ADHFE1: variants seen among roughly 807,000 people sequenced by gnomAD.
ADHFE1 encodes the protein hydroxyacid-oxoacid transhydrogenase, mitochondrial.
ADHFE1 carries 37 observed loss-of-function variants against 54.8 expected under a neutral mutation model. The ratio of observed to expected loss-of-function variants is 0.68; its 90% CI spans 0.52 to 0.89. ADHFE1 has a LOEUF of 0.89. Among genes scored for constraint, ADHFE1 ranks in the 40% least tolerant of loss-of-function variants. The pLI, the probability that ADHFE1 is intolerant of heterozygous loss-of-function variation, is 0.00. For missense variants in ADHFE1, 601 were observed against 591.2 expected (o/e 1.02, Z -0.17); for synonymous variants, 203 against 229.3 (o/e 0.89, Z 1.04).
rs752135290 is a variant in ADHFE1, at chr8:66,444,718, A to G, written c.323A>G (p.Asp108Gly). ...VKNGIPFTVYDNVRVEPTDSS... is the reference protein window; with the variant it reads ...VKNGIPFTVYGNVRVEPTDSS... ...AATGGCATCCCCTTTACGGTTTATG[A>G]TAATGTGAGAGTGGAACCAACGGAT... Residue 108 changes from aspartate (D) to glycine (G), a missense_variant, in exon 5 of 14, where the codon GAT becomes GGT. Coordinates refer to ENST00000396623, the MANE Select transcript of ADHFE1 (RefSeq NM_144650.3). 13 of 1,614,144 alleles carry G rather than the reference A, an allele frequency of 8.1e-6. No homozygotes were observed. In the South Asian group the frequency reaches 1.2e-4, roughly 15 times the overall value.
chr8:66,440,130 G>GT lies in ADHFE1; in HGVS notation c.60-24dup, dbSNP rs200864463. ...TTTTTGGTCTCTATTTTCACCTTAG[G>GT]TTTTTTTTGCTGTCGTTTTTATTTT... On this transcript the variant is annotated intron_variant, in intron 1 of 13. Coordinates refer to ENST00000396623, the MANE Select transcript of ADHFE1 (RefSeq NM_144650.3). 6,139 of 1,599,944 alleles carry GT rather than the reference G, an allele frequency of 3.8e-3. 19 individuals are homozygous for GT. Among genetic ancestry groups the GT allele is most frequent in the African/African-American group, 0.016 (1,185 of 74,096 alleles).
intron 10 of ADHFE1, 88 bp downstream of exon 10, chr8:66,454,245 T>G (rs893415077): frequency 1.6e-6 from 2 of 1,271,320 alleles, no homozygotes; most frequent in Admixed American, 4.1e-5. Flanking sequence ...GTGGTAAAAT[T>G]TAAATATGCT....
chr8:66,443,304 G>C (rs78329780), intron 3 of ADHFE1, among the ~76,000 whole-genome samples: 1 of 70,480 alleles, frequency 1.4e-5, no homozygotes, highest in Non-Finnish European at 2.7e-5. Context: ...TTTGGAGACA[G>C]CCTCACTCTG....
chr8:66,454,205 A>G, intron 10 of ADHFE1, 48 bp downstream of exon 10: 3 of 1,584,132 alleles, frequency 1.9e-6, no homozygotes, highest in Non-Finnish European at 2.6e-6. Flanking sequence ...ATTGCTTTAA[A>G]AAATTTTTAA....
At chr8:66,456,736 A>G (rs1806607613) in intron 10 of ADHFE1, 81 bp from the exon 11 acceptor site, 1 of 1,047,578 alleles carries the variant, frequency 9.5e-7, no homozygotes, top group Admixed American at 1.9e-5. Context: ...CGTGACAGGC[A>G]TCCCCATAAG....
chr8:66,457,862 C>T (rs1468160815), intron 12 of ADHFE1, among the ~76,000 whole-genome samples: 1 of 151,794 alleles, frequency 6.6e-6, no homozygotes, highest in Non-Finnish European at 1.5e-5. Flanking sequence ...TTGCTATGTT[C>T]GATAATAAAA....
intron 8 of ADHFE1, among the ~76,000 whole-genome samples, chr8:66,451,696 C>T (rs2130426479): frequency 6.6e-6 from 1 of 152,230 alleles, no homozygotes; most frequent in Admixed American, 6.5e-5. Context: ...TAGAAAAGGT[C>T]CATATATAAT....
chr8:66,459,860 T>C (rs1319340857), intron 12 of ADHFE1: 1 of 153,888 alleles, frequency 6.5e-6, no homozygotes, highest in Non-Finnish European at 1.4e-5. Context: ...TTCTGTAAGC[T>C]TGTCTCACAG....
At chr8:66,451,677 T>C (rs1806309408) in intron 8 of ADHFE1, among the ~76,000 whole-genome samples, 1 of 152,234 alleles carries the variant, frequency 6.6e-6, no homozygotes, top group South Asian at 2.1e-4. Context: ...CATAAAAATG[T>C]ATTGACACTA....
intron 13 of ADHFE1, among the ~76,000 whole-genome samples, chr8:66,461,560 G>A (rs932441428): frequency 2.6e-5 from 4 of 152,082 alleles, no homozygotes; most frequent in African/African-American, 9.7e-5. Flanking sequence ...TGTGTCCACA[G>A]GAGCCAGGTA....
Position 66,432,628 on chromosome 8 carries a change from C to T in ADHFE1, c.59+53C>T, listed in dbSNP as rs187669210. Reference sequence around the variant, plus strand: ...GGGACCGCAGGGTGCCCACGCAGCCCCCTGGGTGTGACCCGCTCAGATCCT... The same window carrying T: ...GGGACCGCAGGGTGCCCACGCAGCCTCCTGGGTGTGACCCGCTCAGATCCT... On this transcript the variant is annotated intron_variant, in intron 1 of 13. Coordinates refer to ENST00000396623, the MANE Select transcript of ADHFE1 (RefSeq NM_144650.3). 8.4e-4 allele frequency: 1,070 copies of T among 1,276,250 alleles called. 9 individuals carry two copies. In the African/African-American group the frequency reaches 0.015, roughly 18 times the overall value. 79.1% of individuals were successfully genotyped at this position (1,276,250 alleles called of 1,614,324 possible).
chr8:66,441,528 T>C (rs940178689), intron 2 of ADHFE1, among the ~76,000 whole-genome samples: 1 of 152,194 alleles, frequency 6.6e-6, no homozygotes, highest in African/African-American at 2.4e-5. Flanking sequence ...AAAAGCATAA[T>C]GAAAATTGTT....
intron 8 of ADHFE1, among the ~76,000 whole-genome samples, chr8:66,450,049 A>G (rs1018736057): frequency 2.0e-5 from 3 of 152,180 alleles, no homozygotes; most frequent in African/African-American, 7.2e-5. Context: ...GTATACTGCT[A>G]GTTCACACAA....
chr8:66,459,353 G>A (rs114595857), intron 12 of ADHFE1, among the ~76,000 whole-genome samples: 2,378 of 150,552 alleles, frequency 0.016, 77 homozygotes, highest in African/African-American at 0.054. Flanking sequence ...AGAACCTCCC[G>A]CGTGGCTCTT....
In ADHFE1 at chr8:66,468,302, T is replaced by C. The variant is rs778509998; in HGVS notation, c.1354T>C (p.Ser452Pro). Reference protein sequence around the residue: ...RVTKLAPCPQSEEDLAALFEA... With the variant: ...RVTKLAPCPQPEEDLAALFEA... ...CACCAAGCTTGCACCCTGTCCCCAGTCAGAAGAGGATCTGGCTGCTCTGTT... is the reference window on the plus strand; with the variant it reads ...CACCAAGCTTGCACCCTGTCCCCAGCCAGAAGAGGATCTGGCTGCTCTGTT... The change falls in exon 14 of 14, where the codon TCA (serine) becomes CCA (proline). Residue 452 changes from serine to proline, a missense_variant. By Grantham distance (74) the Ser-to-Pro change is moderately conservative (BLOSUM62 -1). Transcript: ENST00000396623. 1.9e-6 allele frequency: 3 copies of C among 1,613,502 alleles called. No homozygotes were observed. The highest frequency in any genetic ancestry group is 4.5e-5 in the East Asian group (2 of 44,828).
rs1280064139 is a variant in ADHFE1, at chr8:66,454,158, G to A, written c.986+1G>A. 1 of 1,613,840 alleles carries A rather than the reference G, an allele frequency of 6.2e-7. No homozygotes were observed. The highest frequency in any genetic ancestry group is 8.5e-7 in the Non-Finnish European group (1 of 1,179,926). ...TTGGAAATGCTGGTGTTCATCTGTG[G>A]TGAGCAAGTCTGAGATTTCATTTCT... is the stretch of plus-strand genomic sequence containing the variant. On this transcript the variant is annotated splice_donor_variant, in intron 10 of 13. Transcript: ENST00000396623. LOFTEE classifies it high-confidence loss of function.
chr8:66,467,546 A>G (rs546351352), intron 13 of ADHFE1, among the ~76,000 whole-genome samples: 161 of 152,266 alleles, frequency 1.1e-3, no homozygotes, highest in Admixed American at 1.8e-3. Flanking sequence ...TCCCAAACAC[A>G]TGCCAGCAAT....
At chr8:66,441,198 A>T (rs967547119) in intron 2 of ADHFE1, among the ~76,000 whole-genome samples, 1 of 152,242 alleles carries the variant, frequency 6.6e-6, no homozygotes, top group African/African-American at 2.4e-5. Flanking sequence ...TTCCAGGATC[A>T]TATTTATGTC....
chr8:66,463,131 A>G (rs1806990004), intron 13 of ADHFE1, among the ~76,000 whole-genome samples: 1 of 152,172 alleles, frequency 6.6e-6, no homozygotes, highest in Non-Finnish European at 1.5e-5. Context: ...CCAGACTGTC[A>G]CTTTCAAAAG....
Sources: gnomAD v4.1 joint callset for allele counts (sites outside exome capture counted in the v4.1 genomes callset) on GRCh38, gnomAD v4.1.1 for gene constraint, MANE v1.5 for transcripts, NCBI Gene and HGNC (gene_info 2026-07-23, HGNC 2026-07-21) for gene names.